Variants in SHANK1 observed in about 807,000 individuals in gnomAD.
SHANK1 encodes the protein SH3 and multiple ankyrin repeat domains 1, also known as SH3 and multiple ankyrin repeat domains protein 1.
A neutral mutation model predicts 165.6 loss-of-function variants in SHANK1; 35 were observed. The ratio of observed to expected loss-of-function variants is 0.21; its 90% CI spans 0.16 to 0.28. The LOEUF (loss-of-function observed/expected upper bound fraction) is 0.28, where lower values mean the gene tolerates loss of function less well. Ranked by LOEUF, SHANK1 falls within the 10% of genes least tolerant of loss-of-function variation. The probability of loss-of-function intolerance (pLI) is 1.00; values close to 1 mark genes in which losing one functional copy is unlikely to be tolerated. For missense variants in SHANK1, 2,681 were observed against 3,036.4 expected, an observed-to-expected ratio of 0.88 and a Z score of 2.75; for synonymous variants, 1,428 against 1,384.8, an observed-to-expected ratio of 1.03 and a Z score of -0.69.
At chr19:50,666,004 T>C (rs372499648) in intron 23 of SHANK1, among the ~76,000 whole-genome samples, 188 bp downstream of exon 23, 2 of 144,140 alleles carry the variant, frequency 1.4e-5, no homozygotes, top group African/African-American at 5.2e-5. Flanking sequence ...AGAGTGAAAC[T>C]CCCTCTCAAG....
At position 50,668,003 on chromosome 19, in the gene SHANK1, G is replaced by A; in HGVS notation, c.3957C>T (p.Ala1319=). 11 of 1,473,996 alleles carry A rather than the reference G, an allele frequency of 7.5e-6. No individual in the cohort carries two copies. The highest frequency in any genetic ancestry group is 9.8e-6 in the Non-Finnish European group (11 of 1,118,320). 91.3% of individuals were successfully genotyped at this position (1,473,996 alleles called of 1,614,324 possible). ...GYGGYGAGSR[A]YGGGGGSSAF... ...CGCTGCTGCCCCCGCCACCCCCGTA[G>A]GCTCGGCTACCGGCCCCGTAGCCGC... Residue 1319 remains alanine, a synonymous_variant, in exon 23 of 24, where the codon GCC becomes GCT. Coordinates refer to ENST00000293441, the MANE Select transcript of SHANK1 (RefSeq NM_016148.5).
intron 21 of SHANK1, among the ~76,000 whole-genome samples, chr19:50,678,261 C>A (rs562644003): frequency 6.6e-6 from 1 of 151,758 alleles, no homozygotes; most frequent in African/African-American, 2.4e-5. Context: ...GGGAGGGGTA[C>A]GAAGAGCCAG....
intron 23 of SHANK1, among the ~76,000 whole-genome samples, chr19:50,665,066 CTT>C (rs1280349867): frequency 6.6e-6 from 1 of 152,192 alleles, no homozygotes; most frequent in African/African-American, 2.4e-5. Flanking sequence ...CTGTTAATAA[CTT>C]TTTGTTCATC....
intron 8 of SHANK1, chr19:50,711,053 A>G: frequency 7.6e-6 from 2 of 263,142 alleles, no homozygotes; most frequent in South Asian, 1.3e-4. Context: ...ATTCCCTGTG[A>G]CTTTGCTCTG....
At position 50,670,083 on chromosome 19, in the gene SHANK1, A is replaced by G. The variant is rs970623980; in HGVS notation, c.2675-798T>C. On this transcript the variant is annotated intron_variant, in intron 22 of 23. Coordinates refer to ENST00000293441, the MANE Select transcript of SHANK1 (RefSeq NM_016148.5). The surrounding 1 kb of genome is among the most constrained non-coding windows in gnomAD (Gnocchi z 4.1). The stretch of plus-strand genomic sequence containing the variant: ...CCTCCGCCCTGAGCTCTGGGCCCCT[A>G]TATTCAAATACCCACACCCAGCTGG... 1.3e-5 allele frequency among the ~76,000 whole-genome samples: 2 copies of G among 151,976 alleles called. No individual in the cohort carries two copies. The highest frequency in any genetic ancestry group is 4.8e-5 in the African/African-American group (2 of 41,336).
intron 7 of SHANK1, 92 bp downstream of exon 7, chr19:50,711,855 G>T: frequency 7.2e-7 from 1 of 1,396,264 alleles, no homozygotes. Flanking sequence ...GCTCTGTGAG[G>T]ACCCTGGCAT....
At chr19:50,705,525 G>A (rs2088927946) in intron 8 of SHANK1, among the ~76,000 whole-genome samples, 1 of 152,202 alleles carries the variant, frequency 6.6e-6, no homozygotes, top group Non-Finnish European at 1.5e-5. Context: ...TCCACTGGAT[G>A]TTGGGGCCGG....
In SHANK1 at chr19:50,716,469, G is replaced by A. The variant is rs1183898203; in HGVS notation, c.265C>T (p.Arg89Cys). Reference protein sequence around the residue: ...IPDLHQTKCLRFNPDATIWTA... With the variant: ...IPDLHQTKCLCFNPDATIWTA... ...CAGATGGTGGCATCGGGGTTGAAGC[G>A]AAGGCATTTCTGGTTGGGGAAGAGA... The change falls in exon 3 of 24, where the codon CGC (arginine) becomes TGC (cysteine). Residue 89 changes from arginine to cysteine, a missense_variant. Arg to Cys is a radical substitution (Grantham distance 180). This residue lies in a region of SHANK1 where 189 missense variants were observed against 440.9 expected (regional missense o/e 0.43). Coordinates refer to ENST00000293441, the MANE Select transcript of SHANK1 (RefSeq NM_016148.5). The surrounding 1 kb of genome is among the most constrained non-coding windows in gnomAD (Gnocchi z 8.4). 4 of 1,613,976 alleles carry A rather than the reference G, an allele frequency of 2.5e-6. No homozygotes were observed. The highest frequency in any genetic ancestry group is 2.2e-5 in the East Asian group (1 of 44,884).
At position 50,669,174 on chromosome 19, in the gene SHANK1, G is replaced by A; in HGVS notation, c.2786C>T (p.Pro929Leu). The A allele has an allele frequency of 1.9e-6, 3 of 1,599,008 alleles. No homozygotes were observed. Among genetic ancestry groups the A allele is most frequent in the Non-Finnish European group, 2.6e-6 (3 of 1,172,842 alleles). The change falls in exon 23 of 24, where the codon CCG (proline) becomes CTG (leucine). Residue 929 changes from proline (P) to leucine (L), a missense_variant. Pro to Leu is a moderately conservative substitution (Grantham distance 98). This residue lies in a region of SHANK1 where 10 missense variants were observed against 28.9 expected (regional missense o/e 0.35). Coordinates refer to ENST00000293441, the MANE Select transcript of SHANK1 (RefSeq NM_016148.5). ...DIPPPPTTSP[P>L]EPPYSTPPVP... ...TGGAGGTGTGCTGTAGGGAGGCTCC[G>A]GTGGGGACGTGGTGGGTGGCGGGGG... is the stretch of plus-strand genomic sequence containing the variant.
intron 21 of SHANK1, among the ~76,000 whole-genome samples, chr19:50,678,828 G>GA (rs1381682275): frequency 7.4e-4 from 1 of 1,346 alleles, no homozygotes; most frequent in Non-Finnish European, 1.5e-3. Context: ...GGGTCAGGGT[G>GA]TGGGGAGGGG....
rs1986768580 is a variant in SHANK1, at chr19:50,697,171, C to T, written c.1938-49G>A. ...GCCAGGGAGGGGAAAGGTGTCAGTG[C>T]ACCCATCTCCTCACCCCAATCCCAC... On this transcript the variant is annotated intron_variant, in intron 14 of 23. Transcript: ENST00000293441. The surrounding 1 kb of genome is among the most constrained non-coding windows in gnomAD (Gnocchi z 4.7). 1 of 1,613,944 alleles carries T rather than the reference C, an allele frequency of 6.2e-7. No individual in the cohort carries two copies. The highest frequency in any genetic ancestry group is 8.5e-7 in the Non-Finnish European group (1 of 1,179,922).
chr19:50,671,952 C>CTTT, intron 22 of SHANK1, 66 bp downstream of exon 22: 1 of 1,211,658 alleles, frequency 8.3e-7, no homozygotes, highest in South Asian at 1.3e-5. Flanking sequence ...AGTCTGCTTG[C>CTTT]TTTTCCTGAA....
chr19:50,679,090 T>G (rs1599848511), intron 21 of SHANK1, among the ~76,000 whole-genome samples: 2 of 8,782 alleles, frequency 2.3e-4, no homozygotes, highest in Non-Finnish European at 3.7e-4. Context: ...GTCAGGGTGA[T>G]GGGGAGGGGT....
In SHANK1 at chr19:50,690,874, C is replaced by G. The variant is rs1986517054; in HGVS notation, c.1965-1595G>C. On this transcript the variant is annotated intron_variant, in intron 15 of 23. Transcript: ENST00000293441. This position sits in a 1 kb window ranked among gnomAD's most constrained non-coding sequence, Gnocchi z 4.9. ...TGTATTTAGGTACCACCCCCACAAG[C>G]ACCCCTGTATGCTCCCAGGACCCCC... is the stretch of plus-strand genomic sequence containing the variant. Among the ~76,000 whole-genome samples, 1 of 152,112 alleles carries G rather than the reference C, an allele frequency of 6.6e-6. No individual in the cohort carries two copies. The highest frequency in any genetic ancestry group is 2.4e-5 in the African/African-American group (1 of 41,406).
At position 50,702,325 on chromosome 19, in the gene SHANK1, A is replaced by G. The variant is rs941498084; in HGVS notation, c.1747+142T>C. 8 of 688,508 alleles carry G rather than the reference A, an allele frequency of 1.2e-5. 1 individual carries two copies. The highest frequency in any genetic ancestry group is 3.6e-5 in the African/African-American group (2 of 55,342). The allele number at this position is 688,508 out of a possible 1,614,324, so 42.6% of individuals were successfully genotyped here. ...ACACTCTATGGTCCTCCAAGCCTCA[A>G]GGGGTGTCCTGGGGCTCTCTGAGGT... is the stretch of plus-strand genomic sequence containing the variant. On this transcript the variant is annotated intron_variant, in intron 12 of 23. Coordinates refer to ENST00000293441, the MANE Select transcript of SHANK1 (RefSeq NM_016148.5). This position sits in a 1 kb window ranked among gnomAD's most constrained non-coding sequence, Gnocchi z 5.3.
At chr19:50,665,207 C>T (rs1037565348) in intron 23 of SHANK1, among the ~76,000 whole-genome samples, 1 of 152,166 alleles carries the variant, frequency 6.6e-6, no homozygotes, top group Non-Finnish European at 1.5e-5. Context: ...AGGAGGATCA[C>T]TTAAGCCCAG....
At chr19:50,703,464 G>A (rs961778339) in intron 11 of SHANK1, 36 bp downstream of exon 11, 1 of 1,509,020 alleles carries the variant, frequency 6.6e-7, no homozygotes, top group Admixed American at 2.0e-5. Flanking sequence ...GATTTGACGG[G>A]GCTGGGGACT....
Position 50,662,569 on chromosome 19 carries a change from G to A in SHANK1, c.5882C>T (p.Thr1961Ile). Residue 1961 changes from threonine (T) to isoleucine (I), a missense_variant, in exon 24 of 24, where the codon ACA becomes ATA. Thr to Ile is a moderately conservative substitution (Grantham distance 89). Transcript: ENST00000293441. This position sits in a 1 kb window ranked among gnomAD's most constrained non-coding sequence, Gnocchi z 7.7. ...GGTGGCCCCTGGGGCCGCAGCGGCTGTAGGGGAGACCCCTGTTCCGGTGGG... is the reference window on the plus strand; with the variant it reads ...GGTGGCCCCTGGGGCCGCAGCGGCTATAGGGGAGACCCCTGTTCCGGTGGG... ...PLPTGTGVSP[T>I]AAAAPGATSP... 1 of 1,563,470 alleles carries A rather than the reference G, an allele frequency of 6.4e-7. No homozygotes were observed. Among genetic ancestry groups the A allele is most frequent in the Non-Finnish European group, 8.7e-7 (1 of 1,153,484 alleles).
chr19:50,717,124 G>A lies in SHANK1; in HGVS notation c.-43-162C>T, dbSNP rs1296058366. Among the ~76,000 whole-genome samples the A allele has an allele frequency of 3.3e-5, 5 of 152,094 alleles. No homozygotes were observed. Among genetic ancestry groups the A allele is most frequent in the South Asian group, 2.1e-4 (1 of 4,828 alleles). On this transcript the variant is annotated intron_variant, in intron 1 of 23. Transcript: ENST00000293441. The surrounding 1 kb of genome is among the most constrained non-coding windows in gnomAD (Gnocchi z 5.5). Reference sequence around the variant, plus strand: ...CTCGGCCTGCACGGCCTCCCCTGCCGCCTCCTCCCACGCTGGCACGCACAC... The same window carrying A: ...CTCGGCCTGCACGGCCTCCCCTGCCACCTCCTCCCACGCTGGCACGCACAC...
Sources: allele counts gnomAD v4.1 joint callset (sites outside exome capture counted in the v4.1 genomes callset), GRCh38; gene constraint gnomAD v4.1.1; regional missense constraint gnomAD v4.1.1; non-coding constraint Gnocchi (gnomAD v3.1); transcripts MANE v1.5; gene names NCBI Gene and HGNC (gene_info 2026-07-23, HGNC 2026-07-21).